The following ZNF615 variants were observed in gnomAD, a reference collection of about 807,000 sequenced individuals.
ZNF615 encodes zinc finger protein 615.
A neutral mutation model predicts 15.3 loss-of-function variants in ZNF615; 15 were observed. That is an observed-to-expected ratio of 0.98 (90% CI 0.66 to 1.51). The LOEUF is 1.51. ZNF615 is among the 40% of genes most tolerant of loss of function. The pLI, the probability that ZNF615 is intolerant of heterozygous loss-of-function variation, is 0.00. For missense variants in ZNF615, 848 were observed against 895.9 expected (o/e 0.95, Z 0.68); for synonymous variants, 268 against 294.6 (o/e 0.91, Z 0.92).
intron 4 of ZNF615, 50 bp from the exon 5 acceptor site, chr19:52,001,958 A>G (rs748335272): frequency 6.2e-7 from 1 of 1,607,028 alleles, no homozygotes; most frequent in East Asian, 2.2e-5. Flanking sequence ...CGGGGCTGGC[A>G]ATATTGAAAA....
intron 3 of ZNF615, among the ~76,000 whole-genome samples, chr19:52,002,818 T>G (rs1319531532): frequency 6.9e-6 from 1 of 143,970 alleles, no homozygotes; most frequent in Non-Finnish European, 1.5e-5. Context: ...AACAAATCTG[T>G]TTTTTTGCTT....
At chr19:51,994,970 T>G (rs2086376224) in intron 6 of ZNF615, 133 bp from the exon 7 acceptor site, 2 of 923,476 alleles carry the variant, frequency 2.2e-6, no homozygotes, top group East Asian at 3.0e-5. Context: ...TATTTTTTTG[T>G]GAGCAATAAA....
At chr19:52,002,387 G>A in intron 3 of ZNF615, 106 bp from the exon 4 acceptor site, 6 of 1,508,576 alleles carry the variant, frequency 4.0e-6, no homozygotes, top group Non-Finnish European at 5.4e-6. Context: ...AAGCTGGTGG[G>A]GTTTTTTTCT....
At chr19:52,001,710 G>T in intron 5 of ZNF615, 103 bp downstream of exon 5, 1 of 825,706 alleles carries the variant, frequency 1.2e-6, no homozygotes, top group South Asian at 1.4e-5. Context: ...GTGATGGAGG[G>T]GCTGTTGCTG....
intron 2 of ZNF615, among the ~76,000 whole-genome samples, chr19:52,006,484 T>C (rs918688787): frequency 3.9e-5 from 6 of 152,198 alleles, no homozygotes; most frequent in African/African-American, 9.7e-5. Context: ...CCACTTTTAC[T>C]CTACTTTATA....
intron 2 of ZNF615, among the ~76,000 whole-genome samples, chr19:52,006,326 C>A (rs1024003095): frequency 6.6e-6 from 1 of 151,806 alleles, no homozygotes; most frequent in Admixed American, 6.6e-5. Context: ...AAAGACAAAA[C>A]CAAAAATAAT....
Position 52,003,830 on chromosome 19 carries a change from G to T in ZNF615, c.-119C>A, listed in dbSNP as rs971213228. 8.5e-5 allele frequency: 131 copies of T among 1,544,964 alleles called. No individual in the cohort carries two copies. Among genetic ancestry groups the T allele is most frequent in the Non-Finnish European group, 1.1e-4 (124 of 1,148,884 alleles). On this transcript the variant is annotated 5_prime_UTR_variant, in exon 3 of 7. An upstream open reading frame in the 5' UTR gains an earlier in-frame stop. Coordinates refer to ENST00000598071, the MANE Select transcript of ZNF615 (RefSeq NM_001199324.2). The stretch of plus-strand genomic sequence containing the variant: ...TCCAATCAAGGATGTCCCCAGAAAT[G>T]ATGACACCCAAGTCTTGGAAACTCC...
chr19:52,002,004 G>A lies in ZNF615; in HGVS notation c.143-96C>T. ...CATTTTAAGGACTACATAGGTATCA[G>A]ATCTGTAACAAGAAGGTAGATTATA... is the stretch of plus-strand genomic sequence containing the variant. On this transcript the variant is annotated intron_variant, in intron 4 of 6. Coordinates refer to ENST00000598071, the MANE Select transcript of ZNF615 (RefSeq NM_001199324.2). The A allele has an allele frequency of 1.9e-6, 3 of 1,596,552 alleles. No individual in the cohort carries two copies. In the South Asian group the frequency reaches 3.3e-5, roughly 18 times the overall value.
At chr19:51,998,896 C>T (rs1249183110) in intron 6 of ZNF615, among the ~76,000 whole-genome samples, 1 of 152,186 alleles carries the variant, frequency 6.6e-6, no homozygotes, top group Non-Finnish European at 1.5e-5. Flanking sequence ...CTCAAGTGAT[C>T]CATCTGCCTT....
Position 51,994,061 on chromosome 19 carries a change from T to C in ZNF615, c.1048A>G (p.Thr350Ala). Reference sequence around the variant, plus strand: ...CTACATATATAAGGTTTTTCTCCTGTATGAGTTTTCTGATGTGTAGTGAGA... The same window carrying C: ...CTACATATATAAGGTTTTTCTCCTGCATGAGTTTTCTGATGTGTAGTGAGA... ...FSLTTHQKTH[T>A]GEKPYICSEC... The change falls in exon 7 of 7, where the codon ACA becomes GCA. Residue 350 changes from threonine (T) to alanine (A), a missense_variant. Physicochemically the swap from Thr to Ala is moderately conservative, Grantham distance 58. Coordinates refer to ENST00000598071, the MANE Select transcript of ZNF615 (RefSeq NM_001199324.2). The C allele has an allele frequency of 1.9e-6, 3 of 1,614,190 alleles. No individual in the cohort carries two copies. The highest frequency in any genetic ancestry group is 1.7e-5 in the Admixed American group (1 of 60,024).
chr19:51,999,496 T>C (rs2086530952), intron 6 of ZNF615, among the ~76,000 whole-genome samples: 2 of 152,252 alleles, frequency 1.3e-5, no homozygotes, highest in African/African-American at 4.8e-5. Context: ...TATTTGATAA[T>C]ATATATTTAT....
Position 52,002,244 on chromosome 19 carries a change from G to A in ZNF615, c.53C>T (p.Thr18Ile). 1 of 1,614,182 alleles carries A rather than the reference G, an allele frequency of 6.2e-7. No homozygotes were observed. Residue 18 changes from threonine (T) to isoleucine (I), a missense_variant, in exon 4 of 7, where the codon ACC becomes ATC. Coordinates refer to ENST00000598071, the MANE Select transcript of ZNF615 (RefSeq NM_001199324.2). ...LTLEDVAVDF[T>I]WEEWQFLSPA... ...GCTCAGGAACTGCCACTCCTCCCAG[G>A]TGAAGTCCACAGCCACATCCTCCAG... is the stretch of plus-strand genomic sequence containing the variant.
At chr19:51,995,377 C>G (rs1174254679) in intron 6 of ZNF615, among the ~76,000 whole-genome samples, 1 of 152,120 alleles carries the variant, frequency 6.6e-6, no homozygotes, top group African/African-American at 2.4e-5. Flanking sequence ...CAAATATAAA[C>G]AGGTCACTTT....
At position 51,992,842 on chromosome 19, in the gene ZNF615, T is replaced by G. The variant is rs747461245; in HGVS notation, c.*38A>C. 3.1e-6 allele frequency: 5 copies of G among 1,601,446 alleles called. No homozygotes were observed. The highest frequency in any genetic ancestry group is 4.3e-6 in the Non-Finnish European group (5 of 1,171,946). On this transcript the variant is annotated 3_prime_UTR_variant, in exon 7 of 7. Transcript: ENST00000598071. ...AAATTACTCTTCTTTGCAGATATCT[T>G]AAGGGCCTACATCTGGCAAGAGGCT...
rs537491605 is a variant in ZNF615 at position 51,993,446 on chromosome 19, C to T, written c.1663G>A (p.Glu555Lys). 36 of 1,614,130 alleles carry T rather than the reference C, an allele frequency of 2.2e-5. 1 individual carries two copies. In the Admixed American group the frequency reaches 4.7e-4, roughly 21 times the overall value. ...HTGEKPYICN[E>K]CGKGFTEKSH... is the part of the protein sequence containing the mutation. The stretch of plus-strand genomic sequence containing the variant: ...TTCTCAGTGAAGCCTTTTCCACACT[C>T]ATTGCAAATATAAGGTTTCTCTCCT... Residue 555 changes from glutamate to lysine, a missense_variant, in exon 7 of 7, where the codon GAG becomes AAG. Physicochemically the swap from Glu to Lys is moderately conservative, Grantham distance 56. Coordinates refer to ENST00000598071, the MANE Select transcript of ZNF615 (RefSeq NM_001199324.2).
rs1252050162 is a variant in ZNF615, at chr19:51,992,574, T to C, written c.*306A>G. 1.2e-5 allele frequency: 3 copies of C among 259,168 alleles called. No homozygotes were observed. The highest frequency in any genetic ancestry group is 2.2e-5 in the Non-Finnish European group (3 of 136,514). The allele number at this position is 259,168 out of a possible 1,614,324, so 16.1% of individuals were successfully genotyped here. A position where few individuals can be genotyped will look rare whatever the true frequency, so the allele number is the denominator to read the frequency against. On this transcript the variant is annotated 3_prime_UTR_variant, in exon 7 of 7. Transcript: ENST00000598071. ...AAGTTTTATTTTTGGGCAAAGACGT[T>C]CCTATAATTATTACATTTCCACGAA... is the stretch of plus-strand genomic sequence containing the variant.
Position 51,992,697 on chromosome 19 carries a change from A to G in ZNF615, c.*183T>C, listed in dbSNP as rs942374600. On this transcript the variant is annotated 3_prime_UTR_variant, in exon 7 of 7. Transcript: ENST00000598071. ...CCACATTCATAGGATTTTTCTCAGT[A>G]TACAATTTTTAGACATAATGTCCTA... 4 of 746,686 alleles carry G rather than the reference A, an allele frequency of 5.4e-6. No individual in the cohort carries two copies. The African/African-American group carries it at 7.0e-5, about 13-fold the overall frequency. The allele number at this position is 746,686 out of a possible 1,614,324, so 46.3% of individuals were successfully genotyped here.
intron 1 of ZNF615, among the ~76,000 whole-genome samples, chr19:52,007,616 C>T (rs1312710910): frequency 1.3e-5 from 2 of 152,200 alleles, no homozygotes; most frequent in East Asian, 1.9e-4. Context: ...GGTTCCCAGG[C>T]CTCCAGAGCT....
In ZNF615 at chr19:51,994,522, G is replaced by A. The variant is rs2086361307; in HGVS notation, c.587C>T (p.Pro196Leu). The A allele has an allele frequency of 1.2e-6, 2 of 1,614,124 alleles. No individual in the cohort carries two copies. The highest frequency in any genetic ancestry group is 1.7e-6 in the Non-Finnish European group (2 of 1,180,012). ...TEMKFPAIAK[P>L]INKSQFIKQQ... ...CTTAATGAACTGGGACTTATTAATA[G>A]GTTTTGCAATTGCAGGAAACTTCAT... Residue 196 changes from proline (P) to leucine (L), a missense_variant, in exon 7 of 7, where the codon CCT (proline) becomes CTT (leucine). Pro to Leu is a moderately conservative substitution (Grantham distance 98, BLOSUM62 -3). Transcript: ENST00000598071.
Sources: gnomAD v4.1 joint callset for allele counts (sites outside exome capture counted in the v4.1 genomes callset) on GRCh38, gnomAD v4.1.1 for gene constraint, MANE v1.5 for transcripts, NCBI Gene and HGNC (gene_info 2026-07-23, HGNC 2026-07-21) for gene names.